The following ACOT1 variants were observed in gnomAD, a reference collection of about 807,000 sequenced individuals.
ACOT1 encodes the protein acyl-CoA thioesterase 1.
ACOT1 carries 8 observed loss-of-function variants against 15.7 expected under a neutral mutation model. The observed-to-expected ratio is 0.51, with a 90% CI of 0.30 to 0.92. The LOEUF is 0.92. Ranked by LOEUF, ACOT1 falls within the 40% of genes least tolerant of loss-of-function variation. The probability of loss-of-function intolerance (pLI) is 0.06; values close to 1 mark genes in which losing one functional copy is unlikely to be tolerated. For missense variants in ACOT1, 151 were observed against 539.4 expected, an observed-to-expected ratio of 0.28 and a Z score of 7.13; for synonymous variants, 67 against 241.2, an observed-to-expected ratio of 0.28 and a Z score of 6.69.
Position 73,541,598 on chromosome 14 carries a change from T to G in ACOT1, c.563T>G (p.Leu188Arg). Residue 188 changes from leucine to arginine, a missense_variant, in exon 2 of 3, where the codon CTG becomes CGG. By Grantham distance (102) the Leu-to-Arg change is moderately radical (BLOSUM62 -2). Transcript: ENST00000311148. ...LAGKGFAVMA[L>R]AYYNYEDLPK... Reference sequence around the variant, plus strand: ...GGGAAGGGTTTTGCTGTGATGGCTCTGGCTTACTATAACTATGAAGACCTC... The same window carrying G: ...GGGAAGGGTTTTGCTGTGATGGCTCGGGCTTACTATAACTATGAAGACCTC... 8.0e-7 allele frequency: 1 copy of G among 1,244,266 alleles called. No individual in the cohort carries two copies. The highest frequency in any genetic ancestry group is 1.1e-6 in the Non-Finnish European group (1 of 936,334). The allele number at this position is 1,244,266 out of a possible 1,614,324, so 77.1% of individuals were successfully genotyped here. A position where few individuals can be genotyped will look rare whatever the true frequency, so the allele number is the denominator to read the frequency against.
In ACOT1 at chr14:73,537,291, C is replaced by T. The variant is rs577588070; in HGVS notation, c.-131C>T. On this transcript the variant is annotated 5_prime_UTR_variant, in exon 1 of 3. Coordinates refer to ENST00000311148, the MANE Select transcript of ACOT1 (RefSeq NM_001037161.2). ...CGGCTGGACTCTGGCCTTCCCCGCT[C>T]ACATTAGCAGACAGCTCTGCCCTAG... 1.2e-4 allele frequency: 101 copies of T among 833,156 alleles called. 29 individuals carry two copies. The Admixed American group carries it at 3.5e-3, about 29-fold the overall frequency. 51.6% of individuals were successfully genotyped at this position (833,156 alleles called of 1,614,324 possible).
At chr14:73,510,758 T>G in the ACOT1 span, among the ~76,000 whole-genome samples, 1 of 152,150 alleles carries the variant, frequency 6.6e-6, no homozygotes, top group Admixed American at 6.5e-5. Flanking sequence ...CTTGAGGCTG[T>G]CTTGAGCATT....
At chr14:73,524,293 C>CAAAAAAA in the ACOT1 span, among the ~76,000 whole-genome samples, 158 of 56,632 alleles carry the variant, frequency 2.8e-3, 4 homozygotes, top group East Asian at 5.2e-3. Flanking sequence ...AACTCCGTCT[C>CAAAAAAA]AAAAAAAAAA....
At chr14:73,519,093 G>T in the ACOT1 span, 2 of 1,613,968 alleles carry the variant, frequency 1.2e-6, no homozygotes, top group Admixed American at 1.7e-5. Flanking sequence ...GCTGCTTGTT[G>T]TACCGATTTA....
the ACOT1 span, among the ~76,000 whole-genome samples, chr14:73,506,804 G>GTTTTTTTTTTTTTTGTTTTTTTTTTT: frequency 1.1e-4 from 9 of 80,492 alleles, no homozygotes; most frequent in African/African-American, 4.4e-4. Flanking sequence ...GACTTTAACT[G>GTTTTTTTTTTTTTTGTTTTTTTTTTT]TTTTTTTTTT....
chr14:73,520,920 T>C, the ACOT1 span: 1 of 1,614,082 alleles, frequency 6.2e-7, no homozygotes, highest in Non-Finnish European at 8.5e-7. Flanking sequence ...GGGAGTCACC[T>C]GGCGAAAGTA....
chr14:73,504,761 G>A, the ACOT1 span, among the ~76,000 whole-genome samples: 1 of 152,102 alleles, frequency 6.6e-6, no homozygotes, highest in African/African-American at 2.4e-5. Context: ...CAATGTTCTG[G>A]GCTATTCTGG....
the ACOT1 span, chr14:73,523,162 C>A: frequency 6.4e-7 from 1 of 1,564,992 alleles, no homozygotes; most frequent in East Asian, 2.3e-5. Context: ...TACCGCGTCC[C>A]AGCAAATGCT....
At chr14:73,523,740 A>G in the ACOT1 span, among the ~76,000 whole-genome samples, 1 of 152,016 alleles carries the variant, frequency 6.6e-6, no homozygotes, top group South Asian at 2.1e-4. Flanking sequence ...CACAAATTCT[A>G]TCCAATTTCC....
chr14:73,510,919 G>C, the ACOT1 span, among the ~76,000 whole-genome samples: 1 of 152,168 alleles, frequency 6.6e-6, no homozygotes, highest in East Asian at 1.9e-4. Context: ...AGTATCCAGG[G>C]AGGCCCAAAC....
chr14:73,523,586 G>A, the ACOT1 span, among the ~76,000 whole-genome samples: 6 of 152,186 alleles, frequency 3.9e-5, no homozygotes, highest in African/African-American at 1.4e-4. Context: ...TTCTCCATGA[G>A]TTTGGCCTCA....
Position 73,543,214 on chromosome 14 carries a change from G to A in ACOT1, c.825G>A (p.Val275=), listed in dbSNP as rs1207029782. The A allele has an allele frequency of 1.9e-6, 3 of 1,603,988 alleles. No homozygotes were observed. Among genetic ancestry groups the A allele is most frequent in the Admixed American group, 1.7e-5 (1 of 58,820 alleles). Residue 275 remains valine, a synonymous_variant, in exon 3 of 3, where the codon GTG becomes GTA. Transcript: ENST00000311148. The stretch of plus-strand genomic sequence containing the variant: ...ACAAGGGCGAGACCCTGCCCCCTGT[G>A]GGCGTCAACAGAAATCGCATCAAGG... The part of the protein sequence containing the change: ...LRYKGETLPP[V]GVNRNRIKVT...
At chr14:73,500,719 C>T in the ACOT1 span, 1 of 1,613,520 alleles carries the variant, frequency 6.2e-7, no homozygotes, top group Non-Finnish European at 8.5e-7. Context: ...ATTTCCTTGA[C>T]CTAGCTTGAC....
At chr14:73,509,515 G>A in the ACOT1 span, 8 of 1,602,556 alleles carry the variant, frequency 5.0e-6, no homozygotes, top group East Asian at 1.6e-4. Flanking sequence ...TAGCCCCTTT[G>A]CTTTTCTCAC....
At chr14:73,523,574 G>C in the ACOT1 span, among the ~76,000 whole-genome samples, 4 of 152,136 alleles carry the variant, frequency 2.6e-5, no homozygotes, top group Non-Finnish European at 5.9e-5. Flanking sequence ...TGGCATTCAG[G>C]GTTCTCCATG....
the ACOT1 span, chr14:73,492,781 C>T: frequency 1.2e-6 from 2 of 1,613,922 alleles, no homozygotes; most frequent in Non-Finnish European, 1.7e-6. This position sits in a 1 kb window ranked among gnomAD's most constrained non-coding sequence, Gnocchi z 4.9. Context: ...TGGAAATATA[C>T]CCCCAGCAAG....
chr14:73,524,304 A>ATATAT, the ACOT1 span, among the ~76,000 whole-genome samples: 9 of 93,778 alleles, frequency 9.6e-5, no homozygotes, highest in Non-Finnish European at 1.2e-4. Context: ...AAAAAAAAAA[A>ATATAT]AAAAAAATAT....
At chr14:73,514,145 G>C in the ACOT1 span, 1 of 1,614,112 alleles carries the variant, frequency 6.2e-7, no homozygotes, top group South Asian at 1.1e-5. Flanking sequence ...GTCTTAATAG[G>C]CACATCCTTC....
the ACOT1 span, among the ~76,000 whole-genome samples, chr14:73,515,700 A>C: frequency 7.0e-5 from 7 of 99,642 alleles, no homozygotes; most frequent in Admixed American, 7.3e-4. Context: ...AAAAAAAAAG[A>C]GTCCTGTGAG....
Sources: gnomAD v4.1 joint callset for allele counts (sites outside exome capture counted in the v4.1 genomes callset) on GRCh38, gnomAD v4.1.1 for gene constraint, Gnocchi (gnomAD v3.1) non-coding constraint, MANE v1.5 for transcripts, NCBI Gene and HGNC (gene_info 2026-07-23, HGNC 2026-07-21) for gene names.